The following NT5E variants were observed in gnomAD, a reference collection of about 807,000 sequenced individuals.
NT5E encodes 5'-nucleotidase ecto, also known as 5'-nucleotidase.
In NT5E, 53 loss-of-function variants were observed where a neutral mutation model predicts 55.1. That is an observed-to-expected ratio of 0.96 (90% CI 0.77 to 1.21). NT5E has a LOEUF of 1.21. Ranked by LOEUF, NT5E falls within the 50% of genes most tolerant of loss-of-function variation. NT5E has a pLI of 0.00. For missense variants in NT5E, 683 were observed against 724.3 expected, an observed-to-expected ratio of 0.94 and a Z score of 0.65; for synonymous variants, 270 against 278.4, an observed-to-expected ratio of 0.97 and a Z score of 0.30.
chr6:85,460,934 G>A (rs555234285), intron 1 of NT5E, among the ~76,000 whole-genome samples: 21 of 152,132 alleles, frequency 1.4e-4, no homozygotes, highest in Admixed American at 9.8e-4. Context: ...GATATCCTGC[G>A]GTCTTCCATT....
chr6:85,494,157 C>G lies in NT5E; in HGVS notation c.*153C>G. 1.3e-6 allele frequency: 1 copy of G among 753,108 alleles called. No homozygotes were observed. The highest frequency in any genetic ancestry group is 2.2e-6 in the Non-Finnish European group (1 of 458,394). The allele number at this position is 753,108 out of a possible 1,614,324, so 46.7% of individuals were successfully genotyped here. A position where few individuals can be genotyped will look rare whatever the true frequency, so the allele number is the denominator to read the frequency against. ...GAGCATTATAAAATGAAGAGACAGA[C>G]ATGATTACTCAGGGTCAGCAACCTA... is the stretch of plus-strand genomic sequence containing the variant. On this transcript the variant is annotated 3_prime_UTR_variant, in exon 9 of 9. Transcript: ENST00000257770.
intron 1 of NT5E, among the ~76,000 whole-genome samples, chr6:85,452,478 C>G (rs1768902351): frequency 6.6e-6 from 1 of 152,106 alleles, no homozygotes; most frequent in African/African-American, 2.4e-5. Context: ...GTTCAGAATC[C>G]TTTTTGTTGG....
intron 3 of NT5E, among the ~76,000 whole-genome samples, chr6:85,480,104 C>A (rs958561984): frequency 1.3e-5 from 2 of 152,158 alleles, no homozygotes; most frequent in Non-Finnish European, 2.9e-5. Flanking sequence ...CACTGGAGCT[C>A]CGTGAAGATC....
chr6:85,481,533 A>G (rs1437166420), intron 3 of NT5E, among the ~76,000 whole-genome samples: 1 of 152,200 alleles, frequency 6.6e-6, no homozygotes, highest in Non-Finnish European at 1.5e-5. Flanking sequence ...ATAACTCTGT[A>G]AGGTAGGTGC....
chr6:85,494,112 C>T lies in NT5E; in HGVS notation c.*108C>T, dbSNP rs1769843210. Reference sequence around the variant, plus strand: ...TGACAGCAAAAACCATCTTTACAGGCTCCTAGAAGCTGAAGGTTAGAGCAT... The same window carrying T: ...TGACAGCAAAAACCATCTTTACAGGTTCCTAGAAGCTGAAGGTTAGAGCAT... On this transcript the variant is annotated 3_prime_UTR_variant, in exon 9 of 9. Coordinates refer to ENST00000257770, the MANE Select transcript of NT5E (RefSeq NM_002526.4). 1 of 1,002,648 alleles carries T rather than the reference C, an allele frequency of 1.0e-6. No homozygotes were observed. The highest frequency in any genetic ancestry group is 1.4e-5 in the South Asian group (1 of 73,724). The allele number at this position is 1,002,648 out of a possible 1,614,324, so 62.1% of individuals were successfully genotyped here.
intron 1 of NT5E, among the ~76,000 whole-genome samples, chr6:85,461,971 T>G (rs1420566722): frequency 3.3e-5 from 5 of 152,146 alleles, no homozygotes; most frequent in Non-Finnish European, 7.3e-5. Flanking sequence ...AGTGAGGTAC[T>G]TGTGAGGATG....
At chr6:85,469,789 T>C (rs559282202) in intron 2 of NT5E, among the ~76,000 whole-genome samples, 1 of 152,346 alleles carries the variant, frequency 6.6e-6, no homozygotes, top group East Asian at 1.9e-4. Context: ...TGCTAATTAT[T>C]AGGTTGTCAT....
chr6:85,451,670 A>T (rs1194216098), intron 1 of NT5E, among the ~76,000 whole-genome samples: 1 of 152,246 alleles, frequency 6.6e-6, no homozygotes, highest in African/African-American at 2.4e-5. Context: ...TGTGAAGTCC[A>T]CAAGTGTGGA....
chr6:85,457,654 G>C (rs1463152372), intron 1 of NT5E, among the ~76,000 whole-genome samples: 1 of 152,216 alleles, frequency 6.6e-6, no homozygotes, highest in Non-Finnish European at 1.5e-5. Flanking sequence ...GGTAGTAACA[G>C]AAATGATGGC....
chr6:85,474,732 C>A (rs145999607), intron 3 of NT5E, among the ~76,000 whole-genome samples: 1 of 152,026 alleles, frequency 6.6e-6, no homozygotes, highest in African/African-American at 2.4e-5. Flanking sequence ...AGTTCGAGAC[C>A]GGCCTGGGCA....
At chr6:85,485,161 A>G in intron 3 of NT5E, 74 bp from the exon 4 acceptor site, 2 of 1,411,682 alleles carry the variant, frequency 1.4e-6, no homozygotes, top group Non-Finnish European at 2.0e-6. Context: ...TCATCCAGCC[A>G]GTAGCCCGCT....
intron 3 of NT5E, among the ~76,000 whole-genome samples, chr6:85,472,735 A>T (rs1221080797): frequency 6.6e-6 from 1 of 152,216 alleles, no homozygotes; most frequent in Non-Finnish European, 1.5e-5. Context: ...CAAAATCATA[A>T]CTCACAAACT....
At chr6:85,469,037 A>C (rs184689170) in intron 2 of NT5E, among the ~76,000 whole-genome samples, 34 of 152,342 alleles carry the variant, frequency 2.2e-4, no homozygotes, top group African/African-American at 7.9e-4. Flanking sequence ...TTCTTCCTAC[A>C]GTTCTTTGAC....
intron 3 of NT5E, among the ~76,000 whole-genome samples, chr6:85,475,772 G>T (rs1436189280): frequency 2.6e-5 from 4 of 152,136 alleles, no homozygotes; most frequent in Non-Finnish European, 4.4e-5. Context: ...GGCTAGCTAT[G>T]GCCTTGGGTG....
Position 85,466,938 on chromosome 6 carries a change from A to G in NT5E, c.340-122A>G, listed in dbSNP as rs1342316526. The G allele has an allele frequency of 4.4e-6, 4 of 912,544 alleles. No individual in the cohort carries two copies. In the African/African-American group the frequency reaches 6.6e-5, roughly 15 times the overall value. 56.5% of individuals were successfully genotyped at this position (912,544 alleles called of 1,614,324 possible). A position where few individuals can be genotyped will look rare whatever the true frequency, so the allele number is the denominator to read the frequency against. On this transcript the variant is annotated intron_variant, in intron 1 of 8. Coordinates refer to ENST00000257770, the MANE Select transcript of NT5E (RefSeq NM_002526.4). ...ATCTGAATGTCCCTGGGCCTGACCC[A>G]GGTGAGGAGGACACAAAATCATGCA... is the stretch of plus-strand genomic sequence containing the variant.
chr6:85,471,978 C>T (rs1769319653), intron 3 of NT5E, among the ~76,000 whole-genome samples: 1 of 152,152 alleles, frequency 6.6e-6, no homozygotes, highest in Admixed American at 6.6e-5. Context: ...CTCTTCCTAC[C>T]CACTACCTGA....
intron 3 of NT5E, among the ~76,000 whole-genome samples, chr6:85,484,514 G>A (rs565625090): frequency 6.6e-6 from 1 of 152,188 alleles, no homozygotes; most frequent in East Asian, 1.9e-4. Flanking sequence ...AACCTGACCA[G>A]TGTGAGGGCT....
At chr6:85,455,383 G>A (rs1768967521) in intron 1 of NT5E, among the ~76,000 whole-genome samples, 1 of 152,182 alleles carries the variant, frequency 6.6e-6, no homozygotes, top group Admixed American at 6.5e-5. Context: ...CCAAAGTCCA[G>A]GAAAGGAGGG....
intron 3 of NT5E, among the ~76,000 whole-genome samples, chr6:85,483,910 T>A (rs1347810612): frequency 6.6e-6 from 1 of 152,132 alleles, no homozygotes; most frequent in African/African-American, 2.4e-5. Context: ...GGAGAAAACA[T>A]AAGCTCCAGT....
Sources: gnomAD v4.1 joint callset for allele counts (sites outside exome capture counted in the v4.1 genomes callset) on GRCh38, gnomAD v4.1.1 for gene constraint, MANE v1.5 for transcripts, NCBI Gene and HGNC (gene_info 2026-07-23, HGNC 2026-07-21) for gene names.